The following KANK1 variants were observed in gnomAD, a reference collection of about 807,000 sequenced individuals.
KANK1 encodes KN motif and ankyrin repeat domain-containing protein 1.
A neutral mutation model predicts 106.2 loss-of-function variants in KANK1; 109 were observed. The ratio of observed to expected loss-of-function variants is 1.03; its 90% CI spans 0.88 to 1.20. The LOEUF is 1.20. Ranked by LOEUF, KANK1 falls within the 50% of genes most tolerant of loss-of-function variation. The pLI is 0.00. For synonymous variants in KANK1, 873 were observed against 652.2 expected, an observed-to-expected ratio of 1.34 and a Z score of -5.16; for missense variants, 2,399 against 1,710.7, an observed-to-expected ratio of 1.40 and a Z score of -7.10.
chr9:549,066 C>G (rs902621006), intron 1 of KANK1: 7 of 151,838 alleles, frequency 4.6e-5, no homozygotes, highest in Admixed American at 3.9e-4. Context: ...ACCAATAATT[C>G]TAAAGTTTCT....
chr9:710,629 ACAAAAAAAAAC>A lies in KANK1; in HGVS notation c.38-174_38-164del, dbSNP rs1432680242. On this transcript the variant is annotated intron_variant, in intron 2 of 11. Transcript: ENST00000382297. ...ATGACCTGTCTCAAAAAAAAAAAAA[ACAAAAAAAAAC>A]AAAAAAAACTTGCTTACCCAGCTGT... is the stretch of plus-strand genomic sequence containing the variant. 0.021 allele frequency among the ~76,000 whole-genome samples: 2,164 copies of A among 105,094 alleles called. 182 individuals are homozygous for A. The highest frequency in any genetic ancestry group is 0.094 in the African/African-American group (2,048 of 21,860). 68.9% of individuals were successfully genotyped at this position (105,094 alleles called of 152,430 possible).
At chr9:544,956 AT>A (rs2060842082) in intron 1 of KANK1, among the ~76,000 whole-genome samples, 1 of 151,846 alleles carries the variant, frequency 6.6e-6, no homozygotes, top group African/African-American at 2.4e-5. Flanking sequence ...CAGCTTGGGT[AT>A]GTGAGGATGG....
intron 7 of KANK1, among the ~76,000 whole-genome samples, chr9:736,849 C>G (rs1833931490): frequency 6.6e-6 from 1 of 152,176 alleles, no homozygotes; most frequent in African/African-American, 2.4e-5. Flanking sequence ...CAGGTTTAAC[C>G]TAAACTTAAA....
chr9:646,123 T>C (rs1588536550), intron 1 of KANK1, among the ~76,000 whole-genome samples: 1 of 150,754 alleles, frequency 6.6e-6, no homozygotes, highest in Non-Finnish European at 1.5e-5. Context: ...GATACCTATT[T>C]TGACAGCCAT....
chr9:658,311 A>G (rs1361450419), intron 1 of KANK1, among the ~76,000 whole-genome samples: 1 of 151,986 alleles, frequency 6.6e-6, no homozygotes, highest in Non-Finnish European at 1.5e-5. Flanking sequence ...TTAGAAGAAA[A>G]CCTAGTCTTC....
chr9:668,762 C>T (rs1845243547), intron 1 of KANK1, among the ~76,000 whole-genome samples: 1 of 152,014 alleles, frequency 6.6e-6, no homozygotes, highest in African/African-American at 2.4e-5. Context: ...GCGCCAGGGA[C>T]CAGTTTCATG....
intron 2 of KANK1, chr9:684,142 T>C (rs1282793843): frequency 5.1e-6 from 5 of 984,304 alleles, no homozygotes; most frequent in Admixed American, 6.2e-5. Context: ...GGCTTTGTTT[T>C]AACCTGTAGC....
At chr9:616,049 G>T (rs934655189) in intron 1 of KANK1, among the ~76,000 whole-genome samples, 2 of 152,100 alleles carry the variant, frequency 1.3e-5, no homozygotes, top group Non-Finnish European at 2.9e-5. Context: ...TTCTGTATCC[G>T]TCCTACCAGT....
At chr9:554,464 G>T (rs1418038416) in intron 1 of KANK1, among the ~76,000 whole-genome samples, 1 of 152,138 alleles carries the variant, frequency 6.6e-6, no homozygotes, top group Admixed American at 6.5e-5. Flanking sequence ...TTCCCACTTA[G>T]AAAAAAAGTG....
At chr9:504,243 GGT>G (rs1422499648), upstream of KANK1, among the ~76,000 whole-genome samples, 2 of 152,174 alleles carry the variant, frequency 1.3e-5, no homozygotes, top group Non-Finnish European at 2.9e-5. Context: ...TCCCCTTGCG[GGT>G]GTGTGTGCGA....
intron 1 of KANK1, among the ~76,000 whole-genome samples, chr9:593,656 A>G (rs1825540155): frequency 6.6e-6 from 1 of 151,794 alleles, no homozygotes; most frequent in Non-Finnish European, 1.5e-5. Flanking sequence ...CGTTGGATGT[A>G]ATCTTACAGA....
rs1171353966 is a variant in KANK1 at position 745,859 on chromosome 9, T to C, written c.*624T>C. ...CAGTATTTTCAGCTTTTGTATTCCA[T>C]ACTAAAGCCATGAAGAACTACACGT... On this transcript the variant is annotated 3_prime_UTR_variant, in exon 12 of 12. Transcript: ENST00000382297. 1.3e-5 allele frequency: 2 copies of C among 152,646 alleles called. No individual in the cohort carries two copies. Among genetic ancestry groups the C allele is most frequent in the Admixed American group, 6.5e-5 (1 of 15,280 alleles). The allele number at this position is 152,646 out of a possible 1,614,324, so 9.5% of individuals were successfully genotyped here.
chr9:742,218 C>T lies in KANK1; in HGVS notation c.3710C>T (p.Ala1237Val), dbSNP rs1310303858. ...CTCTTCCCATAGGCGGGACAGACGGCCCTCATGCTGGCGGTCAGTCACGGA... is the reference window on the plus strand; with the variant it reads ...CTCTTCCCATAGGCGGGACAGACGGTCCTCATGCTGGCGGTCAGTCACGGA... The part of the protein sequence containing the change: ...NAKASQAGQT[A>V]LMLAVSHGRI... Residue 1237 changes from alanine (A) to valine (V), a missense_variant, in exon 10 of 12, where the codon GCC becomes GTC. Coordinates refer to ENST00000382297, the MANE Select transcript of KANK1 (RefSeq NM_015158.5). 2 of 1,614,118 alleles carry T rather than the reference C, an allele frequency of 1.2e-6. No homozygotes were observed.
intron 1 of KANK1, among the ~76,000 whole-genome samples, chr9:632,650 C>G (rs1441935320): frequency 1.3e-5 from 2 of 152,064 alleles, no homozygotes; most frequent in Admixed American, 6.6e-5. Flanking sequence ...ATCACATTAT[C>G]TGCTTTGATC....
intron 3 of KANK1, among the ~76,000 whole-genome samples, chr9:484,697 G>C (rs2058261642): frequency 1.3e-5 from 2 of 152,184 alleles, no homozygotes; most frequent in Non-Finnish European, 2.9e-5. Flanking sequence ...CTGTTCTCAA[G>C]GATCACAGGT....
intron 1 of KANK1, among the ~76,000 whole-genome samples, chr9:674,575 T>A (rs1318353168): frequency 6.6e-6 from 1 of 152,200 alleles, no homozygotes; most frequent in Non-Finnish European, 1.5e-5. Context: ...CCTTTTTATT[T>A]ACTTATATTT....
intron 3 of KANK1, among the ~76,000 whole-genome samples, chr9:476,415 C>T (rs776301557): frequency 2.0e-5 from 3 of 151,416 alleles, no homozygotes; most frequent in South Asian, 4.2e-4. Context: ...CAGCTACTCG[C>T]GAGGCTGAGG....
chr9:588,974 A>G (rs1824184273), intron 1 of KANK1, among the ~76,000 whole-genome samples: 1 of 152,202 alleles, frequency 6.6e-6, no homozygotes, highest in Non-Finnish European at 1.5e-5. Flanking sequence ...TTATTACCAA[A>G]TCAGTAAATC....
intron 6 of KANK1, chr9:733,252 A>C (rs546779988): frequency 3.3e-5 from 5 of 152,364 alleles, no homozygotes; most frequent in African/African-American, 1.2e-4. Context: ...AGAGAGTAGA[A>C]AAGGTGGAAA....
Sources: allele counts gnomAD v4.1 joint callset (sites outside exome capture counted in the v4.1 genomes callset), GRCh38; gene constraint gnomAD v4.1.1; transcripts MANE v1.5; gene names NCBI Gene and HGNC (gene_info 2026-07-23, HGNC 2026-07-21).